Variants in ODR4 observed in about 807,000 individuals in gnomAD.
ODR4 encodes the protein protein odr-4 homolog.
Under a neutral mutation model 60.2 loss-of-function variants are expected in ODR4, and 47 were observed. That is an observed-to-expected ratio of 0.78 (90% CI 0.62 to 1.00). The LOEUF (loss-of-function observed/expected upper bound fraction) is 1.00, where lower values mean the gene tolerates loss of function less well. Ranked by LOEUF, ODR4 falls within the 50% of genes least tolerant of loss-of-function variation. The pLI is 0.00. For synonymous variants in ODR4, 178 were observed against 175.5 expected (o/e 1.01, Z -0.11); for missense variants, 488 against 530.8 (o/e 0.92, Z 0.79).
At chr1:186,425,808 T>C (rs1441254766), downstream of ODR4, among the ~76,000 whole-genome samples, 1 of 152,248 alleles carries the variant, frequency 6.6e-6, no homozygotes, top group African/African-American at 2.4e-5. Flanking sequence ...ATTCTTGATT[T>C]GATCTTTGCC....
At chr1:186,376,687 A>G (rs772204645) in intron 1 of ODR4, among the ~76,000 whole-genome samples, 4 of 152,212 alleles carry the variant, frequency 2.6e-5, no homozygotes, top group Non-Finnish European at 5.9e-5. Context: ...TTCCCCAAAA[A>G]TATTTTTTAG....
In ODR4 at chr1:186,419,791, C is replaced by G. The variant is rs142506307; in HGVS notation, c.*715C>G. The G allele has an allele frequency of 7.9e-5, 12 of 151,860 alleles. No individual in the cohort carries two copies. The highest frequency in any genetic ancestry group is 5.9e-5 in the Non-Finnish European group (4 of 67,976). The allele number at this position is 151,860 out of a possible 1,614,324, so 9.4% of individuals were successfully genotyped here. A position where few individuals can be genotyped will look rare whatever the true frequency, so the allele number is the denominator to read the frequency against. ...TTGATGTAACATCTTAATAATAGAG[C>G]ACCAGAAAAATTTCTACCAAATGAG... On this transcript the variant is annotated 3_prime_UTR_variant, in exon 14 of 14. Coordinates refer to ENST00000287859, the MANE Select transcript of ODR4 (RefSeq NM_017847.6).
At chr1:186,429,231 CACACACTGAGCCTGGGTG>C in the ODR4 span, among the ~76,000 whole-genome samples, 2 of 151,424 alleles carry the variant, frequency 1.3e-5, no homozygotes, top group Admixed American at 6.6e-5. Flanking sequence ...AGCCTGAGTG[CACACACTGAGCCTGGGTG>C]ACACACTGAG....
chr1:186,398,204 T>C, intron 9 of ODR4, 109 bp from the exon 10 acceptor site: 1 of 975,118 alleles, frequency 1.0e-6, no homozygotes, highest in Non-Finnish European at 1.4e-6. Context: ...AATGCTTGGC[T>C]CAGTCAAAAC....
intron 1 of ODR4, among the ~76,000 whole-genome samples, 187 bp downstream of exon 1, chr1:186,376,161 G>A (rs1195629765): frequency 6.6e-6 from 1 of 152,140 alleles, no homozygotes; most frequent in African/African-American, 2.4e-5. Context: ...GGCACTGAGT[G>A]ATTCAGTACC....
intron 10 of ODR4, among the ~76,000 whole-genome samples, 156 bp downstream of exon 10, chr1:186,398,597 A>G (rs1233530973): frequency 6.6e-6 from 1 of 152,178 alleles, no homozygotes; most frequent in Non-Finnish European, 1.5e-5. Context: ...AATTGGTGTG[A>G]AGATTTTCAT....
chr1:186,383,233 G>A, intron 3 of ODR4, 77 bp downstream of exon 3: 4 of 1,430,610 alleles, frequency 2.8e-6, no homozygotes, highest in Admixed American at 4.9e-5. Flanking sequence ...TAGTGAATGA[G>A]TAGAGAGAAG....
At chr1:186,431,370 G>A in the ODR4 span, among the ~76,000 whole-genome samples, 2 of 152,180 alleles carry the variant, frequency 1.3e-5, no homozygotes, top group African/African-American at 4.8e-5. Context: ...ACATGATTAA[G>A]TTGTGTATTT....
the ODR4 span, among the ~76,000 whole-genome samples, chr1:186,428,031 G>A: frequency 2.0e-5 from 3 of 152,110 alleles, no homozygotes; most frequent in Admixed American, 6.6e-5. Flanking sequence ...ATCCTTAAGC[G>A]CCCTAGGATT....
intron 5 of ODR4, 99 bp downstream of exon 5, chr1:186,388,647 A>G: frequency 1.6e-6 from 1 of 642,636 alleles, no homozygotes; most frequent in Non-Finnish European, 2.5e-6. Context: ...TTTAAAAAAT[A>G]GGCATAGTTT....
At chr1:186,431,900 G>C in the ODR4 span, among the ~76,000 whole-genome samples, 1 of 152,142 alleles carries the variant, frequency 6.6e-6, no homozygotes, top group South Asian at 2.1e-4. Flanking sequence ...CTGGGAGTGG[G>C]CAGGAAGTAG....
chr1:186,382,016 T>C (rs1229161216), intron 2 of ODR4, among the ~76,000 whole-genome samples: 1 of 152,126 alleles, frequency 6.6e-6, no homozygotes, highest in African/African-American at 2.4e-5. Flanking sequence ...TCTTTTTTTA[T>C]AGGAAACTTT....
chr1:186,398,373 C>T lies in ODR4; in HGVS notation c.841C>T (p.Leu281Phe). 8 of 1,611,514 alleles carry T rather than the reference C, an allele frequency of 5.0e-6. No homozygotes were observed. The highest frequency in any genetic ancestry group is 6.8e-6 in the Non-Finnish European group (8 of 1,178,528). The stretch of plus-strand genomic sequence containing the variant: ...CCAGATATGTAGCGGTTCTGTAAAC[C>T]TTAAGGGTGCTGTGAAATGCAGAGC... ...TVQICSGSVN[L>F]KGAVKCRAYI... Residue 281 changes from leucine (L) to phenylalanine (F), a missense_variant, in exon 10 of 14, where the codon CTT (leucine) becomes TTT (phenylalanine). Leu to Phe is a conservative substitution (Grantham distance 22, BLOSUM62 0). Transcript: ENST00000287859.
At position 186,375,886 on chromosome 1, in the gene ODR4, G is replaced by C. The variant is rs1052354757; in HGVS notation, c.-108G>C. On this transcript the variant is annotated 5_prime_UTR_variant, in exon 1 of 14. Coordinates refer to ENST00000287859, the MANE Select transcript of ODR4 (RefSeq NM_017847.6). Reference sequence around the variant, plus strand: ...GAGACCGGAGGGAATCTGGCCCCTAGAGGCTGGTACTTGGGCCCGAAACCC... The same window carrying C: ...GAGACCGGAGGGAATCTGGCCCCTACAGGCTGGTACTTGGGCCCGAAACCC... 2.3e-5 allele frequency: 5 copies of C among 217,482 alleles called. No homozygotes were observed. The highest frequency in any genetic ancestry group is 4.5e-5 in the African/African-American group (2 of 44,502). The allele number at this position is 217,482 out of a possible 1,614,324, so 13.5% of individuals were successfully genotyped here.
chr1:186,392,061 A>G (rs1660490957), intron 8 of ODR4, among the ~76,000 whole-genome samples: 1 of 152,306 alleles, frequency 6.6e-6, no homozygotes, highest in South Asian at 2.1e-4. Flanking sequence ...CGGTAGAGAA[A>G]CACAAATGAA....
At chr1:186,377,549 T>C (rs1425247618) in intron 1 of ODR4, among the ~76,000 whole-genome samples, 1 of 152,148 alleles carries the variant, frequency 6.6e-6, no homozygotes, top group East Asian at 1.9e-4. Flanking sequence ...GTTGCAAGAA[T>C]TAAGAATTAT....
chr1:186,381,019 G>A lies in ODR4; in HGVS notation c.99+1135G>A, dbSNP rs551378757. On this transcript the variant is annotated intron_variant, in intron 2 of 13. Transcript: ENST00000287859. ...AGGGCAGATCTACATGGTTCAACCA[G>A]GTAGCACCACTCTGTGAGGCCTCTC... 1.1e-4 allele frequency among the ~76,000 whole-genome samples: 17 copies of A among 152,342 alleles called. No individual in the cohort carries two copies. In the East Asian group the frequency reaches 3.1e-3, roughly 28 times the overall value.
intron 11 of ODR4, chr1:186,399,251 C>G: frequency 1.8e-6 from 1 of 554,688 alleles, no homozygotes; most frequent in South Asian, 1.6e-5. Flanking sequence ...GTTGCCCAGG[C>G]TGGGGTGCAG....
At chr1:186,405,144 A>C (rs956780021) in intron 11 of ODR4, among the ~76,000 whole-genome samples, 1 of 152,194 alleles carries the variant, frequency 6.6e-6, no homozygotes, top group African/African-American at 2.4e-5. Context: ...AATAAATATT[A>C]GTAATAAAGA....
Sources: gnomAD v4.1 joint callset for allele counts (sites outside exome capture counted in the v4.1 genomes callset) on GRCh38, gnomAD v4.1.1 for gene constraint, MANE v1.5 for transcripts, NCBI Gene and HGNC (gene_info 2026-07-23, HGNC 2026-07-21) for gene names.